Variants in PLXNA4 observed in about 807,000 individuals in gnomAD.
PLXNA4 encodes plexin-A4.
In PLXNA4, 44 loss-of-function variants were observed where a neutral mutation model predicts 191.8. The ratio of observed to expected loss-of-function variants is 0.23; its 90% CI spans 0.18 to 0.29. The LOEUF (loss-of-function observed/expected upper bound fraction) is 0.29, where lower values mean the gene tolerates loss of function less well. PLXNA4 is among the 10% of genes least tolerant of loss of function. The pLI is 1.00. For missense variants in PLXNA4, 1,800 were observed against 2,488.8 expected (o/e 0.72, Z 5.89); for synonymous variants, 1,082 against 1,009.5 (o/e 1.07, Z -1.36).
At chr7:132,469,988 G>A (rs891405595) in intron 3 of PLXNA4, among the ~76,000 whole-genome samples, 1 of 152,204 alleles carries the variant, frequency 6.6e-6, no homozygotes, top group African/African-American at 2.4e-5. Flanking sequence ...GTCGGGTTCA[G>A]TGGCAGATCT....
intron 1 of PLXNA4, among the ~76,000 whole-genome samples, chr7:132,540,569 CTTT>C (rs71915138): frequency 1.8e-4 from 11 of 61,006 alleles, no homozygotes; most frequent in African/African-American, 7.1e-4. Context: ...GTGGACCGTT[CTTT>C]TTTTTTTTTT....
chr7:132,580,017 A>C (rs1015527179), upstream of PLXNA4, among the ~76,000 whole-genome samples: 1 of 152,106 alleles, frequency 6.6e-6, no homozygotes, highest in African/African-American at 2.4e-5. Flanking sequence ...GGCCAGCTTT[A>C]CAATTTGGAG....
intron 2 of PLXNA4, among the ~76,000 whole-genome samples, chr7:132,489,821 A>T (rs1797712143): frequency 6.6e-6 from 1 of 152,174 alleles, no homozygotes; most frequent in Non-Finnish European, 1.5e-5. Context: ...CACGTGGAAA[A>T]GCCCTGGGTC....
At chr7:132,547,196 A>C (rs1800346066) in intron 1 of PLXNA4, among the ~76,000 whole-genome samples, 1 of 152,138 alleles carries the variant, frequency 6.6e-6, no homozygotes, top group Admixed American at 6.5e-5. Context: ...CCCAGTACTG[A>C]TGCTGACCAC....
At chr7:132,141,526 AT>A (rs2116545152) in intron 29 of PLXNA4, among the ~76,000 whole-genome samples, 1 of 152,198 alleles carries the variant, frequency 6.6e-6, no homozygotes, top group African/African-American at 2.4e-5. Flanking sequence ...AGAAGCCTGC[AT>A]TCTGGTGGGT....
chr7:132,598,216 G>A (rs1015852207), intron 2 of PLXNA4, among the ~76,000 whole-genome samples: 3 of 152,102 alleles, frequency 2.0e-5, no homozygotes, highest in Non-Finnish European at 4.4e-5. Context: ...TCAAGAGATT[G>A]TTCTGCCTTG....
chr7:132,381,159 T>G (rs997232316), intron 3 of PLXNA4, among the ~76,000 whole-genome samples: 1 of 152,194 alleles, frequency 6.6e-6, no homozygotes, highest in Non-Finnish European at 1.5e-5. Context: ...ACTTGCAAAT[T>G]GAGGACTGGT....
Position 132,228,262 on chromosome 7 carries a change from G to A in PLXNA4, c.1728+84C>T, listed in dbSNP as rs543826201. 71 of 1,570,328 alleles carry A rather than the reference G, an allele frequency of 4.5e-5. 2 individuals carry two copies. The South Asian group carries it at 8.1e-4, about 18-fold the overall frequency. ...GCCGGGCTTGGCCCAGTCCTCCAGA[G>A]GGGCCTTGGGCTAAGGCACTTTTTA... is the stretch of plus-strand genomic sequence containing the variant. On this transcript the variant is annotated intron_variant, in intron 6 of 31. Coordinates refer to ENST00000321063, the MANE Select transcript of PLXNA4 (RefSeq NM_020911.2).
intron 1 of PLXNA4, among the ~76,000 whole-genome samples, chr7:132,531,719 T>C (rs1049680889): frequency 6.6e-6 from 1 of 152,178 alleles, no homozygotes; most frequent in Non-Finnish European, 1.5e-5. Flanking sequence ...CAGTCATTCT[T>C]AACAAAGAGC....
intron 24 of PLXNA4, among the ~76,000 whole-genome samples, chr7:132,163,107 C>A (rs1420113914): frequency 2.0e-5 from 3 of 152,188 alleles, no homozygotes; most frequent in African/African-American, 7.2e-5. Context: ...CATATCACCC[C>A]CAACACTCAG....
At chr7:132,307,134 C>T (rs985625617) in intron 3 of PLXNA4, among the ~76,000 whole-genome samples, 3 of 152,046 alleles carry the variant, frequency 2.0e-5, no homozygotes, top group African/African-American at 7.2e-5. Flanking sequence ...CACCCCAGGC[C>T]CTCACTGCCA....
intron 4 of PLXNA4, among the ~76,000 whole-genome samples, chr7:132,253,733 C>T (rs1160094844): frequency 1.3e-5 from 2 of 152,088 alleles, no homozygotes; most frequent in African/African-American, 4.8e-5. Flanking sequence ...CATTGTTTGG[C>T]AATGCCTTAT....
intron 3 of PLXNA4, among the ~76,000 whole-genome samples, chr7:132,486,362 G>A (rs1416077322): frequency 6.6e-6 from 1 of 152,062 alleles, no homozygotes; most frequent in Non-Finnish European, 1.5e-5. Flanking sequence ...GAGTGGGGGT[G>A]GGGAATTCTA....
intron 5 of PLXNA4, among the ~76,000 whole-genome samples, chr7:132,239,612 G>T (rs939094562): frequency 7.9e-5 from 12 of 152,160 alleles, no homozygotes; most frequent in African/African-American, 2.9e-4. Flanking sequence ...AAAGAAAACT[G>T]CCCCCTGTCT....
chr7:132,298,161 G>T lies in PLXNA4; in HGVS notation c.1433C>A (p.Pro478His), dbSNP rs1166558422. ...GGCCATATCCCGGAGGACTGGGCCG[G>T]GGTCCACCACCTGCACCGTCTCATA... ...LQYETVQVVD[P>H]GPVLRDMAFS... The change falls in exon 4 of 32, where the codon CCC (proline) becomes CAC (histidine). Residue 478 changes from proline to histidine, a missense_variant. Pro to His is a moderately conservative substitution (Grantham distance 77). Around this residue, in one of 6 missense-constraint regions of PLXNA4, gnomAD observed 1,397 missense variants for 1,880.4 expected, o/e 0.74. Transcript: ENST00000321063. 3 of 1,614,174 alleles carry T rather than the reference G, an allele frequency of 1.9e-6. No homozygotes were observed. Among genetic ancestry groups the T allele is most frequent in the Admixed American group, 1.7e-5 (1 of 60,028 alleles).
chr7:132,330,992 T>C (rs1196269159), intron 3 of PLXNA4, among the ~76,000 whole-genome samples: 1 of 152,206 alleles, frequency 6.6e-6, no homozygotes, highest in Non-Finnish European at 1.5e-5. Flanking sequence ...GCCAGTCATT[T>C]TTCAAGGTTC....
chr7:132,559,498 A>G (rs1359329925), intron 1 of PLXNA4, among the ~76,000 whole-genome samples: 3 of 152,234 alleles, frequency 2.0e-5, no homozygotes, highest in Admixed American at 2.0e-4. Context: ...AATAACTGGT[A>G]TAAATGATGC....
chr7:132,130,681 A>T (rs1257445143), intron 31 of PLXNA4, 107 bp from the exon 32 acceptor site: 1 of 1,521,870 alleles, frequency 6.6e-7, no homozygotes, highest in Non-Finnish European at 8.9e-7. Flanking sequence ...GGGAAGCCAC[A>T]GGCATGTGCA....
In PLXNA4 at chr7:132,632,061, C is replaced by T. The variant is rs1050562377; in HGVS notation, c.-87+13867G>A. Among the ~76,000 whole-genome samples the T allele has an allele frequency of 2.6e-5, 4 of 151,968 alleles. No individual in the cohort carries two copies. The South Asian group carries it at 8.3e-4, about 32-fold the overall frequency. On this transcript the variant is annotated intron_variant, in intron 2 of 4. Transcript: ENST00000378539. ...GCCAGCCTGGCCAACATGGTGAAAC[C>T]CCCGTCTCTACTAAAAATACAAAAA...
Sources: gnomAD v4.1 joint callset for allele counts (sites outside exome capture counted in the v4.1 genomes callset) on GRCh38, gnomAD v4.1.1 for gene constraint, gnomAD v4.1.1 regional missense constraint, MANE v1.5 for transcripts, NCBI Gene and HGNC (gene_info 2026-07-23, HGNC 2026-07-21) for gene names.